Variants in TMPRSS11E observed in about 807,000 individuals in gnomAD.
TMPRSS11E encodes the protein transmembrane serine protease 11E.
Under a neutral mutation model 48.1 loss-of-function variants are expected in TMPRSS11E, and 38 were observed. The observed-to-expected ratio is 0.79, with a 90% confidence interval of 0.61 to 1.04. TMPRSS11E has a LOEUF of 1.04. Ranked by LOEUF, TMPRSS11E falls within the 50% of genes least tolerant of loss-of-function variation. TMPRSS11E has a pLI of 0.00. For missense variants in TMPRSS11E, 530 were observed against 510.8 expected (o/e 1.04, Z -0.36); for synonymous variants, 158 against 171.9 (o/e 0.92, Z 0.63).
intron 2 of TMPRSS11E, among the ~76,000 whole-genome samples, chr4:68,463,304 CT>C (rs897028473): frequency 7.3e-5 from 11 of 151,214 alleles, no homozygotes; most frequent in East Asian, 5.8e-4. Context: ...CTGTAGCACA[CT>C]TTTTTTTTGC....
At chr4:68,491,761 C>T (rs1183559335) in intron 9 of TMPRSS11E, among the ~76,000 whole-genome samples, 1 of 152,134 alleles carries the variant, frequency 6.6e-6, no homozygotes, top group Non-Finnish European at 1.5e-5. Context: ...TTCAGAATTC[C>T]ATGTTACTCT....
chr4:68,491,231 T>C (rs1488998123), intron 9 of TMPRSS11E, among the ~76,000 whole-genome samples: 1 of 141,982 alleles, frequency 7.0e-6, no homozygotes, highest in Non-Finnish European at 1.5e-5. Flanking sequence ...TTGGAGCCTT[T>C]TAAAAAACTT....
At chr4:68,457,085 CA>C (rs1450627772) in intron 1 of TMPRSS11E, among the ~76,000 whole-genome samples, 1 of 152,070 alleles carries the variant, frequency 6.6e-6, no homozygotes, top group African/African-American at 2.4e-5. Flanking sequence ...AGCCTCTGCA[CA>C]ACAAAAGAAA....
At chr4:68,462,938 T>C (rs1256684953) in intron 2 of TMPRSS11E, among the ~76,000 whole-genome samples, 1 of 152,188 alleles carries the variant, frequency 6.6e-6, no homozygotes, top group Non-Finnish European at 1.5e-5. Context: ...TGAAGTTTCC[T>C]CCTACTCTGC....
chr4:68,457,798 C>T (rs1037581130), intron 1 of TMPRSS11E, among the ~76,000 whole-genome samples: 18 of 149,516 alleles, frequency 1.2e-4, no homozygotes, highest in Admixed American at 3.3e-4. Flanking sequence ...CGGATGAAGC[C>T]GGAAACCATC....
intron 9 of TMPRSS11E, among the ~76,000 whole-genome samples, chr4:68,490,912 C>T (rs544330436): frequency 1.1e-4 from 16 of 151,998 alleles, no homozygotes; most frequent in South Asian, 8.3e-4. Flanking sequence ...GCATGTGCCA[C>T]GACACCTGAC....
rs1728937780 is a variant in TMPRSS11E, at chr4:68,466,749, A to C, written c.255A>C (p.Ser85=). ...NFTEMSQRLE[S]MVKNAFYKSP... is the part of the protein sequence containing the mutation. Reference sequence around the variant, plus strand: ...CAGAAATGAGCCAGAGACTTGAATCAATGGTAAGCAACTTGTCATCTACTT... The same window carrying C: ...CAGAAATGAGCCAGAGACTTGAATCCATGGTAAGCAACTTGTCATCTACTT... The change falls in exon 3 of 10, where the codon TCA becomes TCC. Residue 85 remains serine, a synonymous_variant. Transcript: ENST00000305363. The C allele has an allele frequency of 6.2e-7, 1 of 1,613,368 alleles. No individual in the cohort carries two copies. Among genetic ancestry groups the C allele is most frequent in the Admixed American group, 1.7e-5 (1 of 59,914 alleles).
At chr4:68,483,302 C>T (rs1402377661) in intron 9 of TMPRSS11E, among the ~76,000 whole-genome samples, 2 of 152,102 alleles carry the variant, frequency 1.3e-5, no homozygotes, top group East Asian at 1.9e-4. Context: ...AACCAGATAT[C>T]GTGACAGTTC....
intron 3 of TMPRSS11E, among the ~76,000 whole-genome samples, chr4:68,468,149 A>G (rs1319028126): frequency 6.6e-6 from 1 of 152,178 alleles, no homozygotes. Context: ...GAAAGAATTA[A>G]AAGGCTCATT....
At chr4:68,492,047 C>T (rs1312289386) in intron 9 of TMPRSS11E, among the ~76,000 whole-genome samples, 8 of 152,192 alleles carry the variant, frequency 5.3e-5, no homozygotes, top group Non-Finnish European at 1.0e-4. Flanking sequence ...AGTTTAGACT[C>T]ACTTCATTTT....
At chr4:68,486,879 A>G (rs970267752) in intron 9 of TMPRSS11E, among the ~76,000 whole-genome samples, 9 of 152,138 alleles carry the variant, frequency 5.9e-5, no homozygotes, top group Admixed American at 3.3e-4. Context: ...ACTTTGTTAC[A>G]CCATTTTTTG....
intron 9 of TMPRSS11E, among the ~76,000 whole-genome samples, chr4:68,486,063 AATCTT>A (rs1287535379): frequency 6.6e-6 from 1 of 151,858 alleles, no homozygotes; most frequent in Non-Finnish European, 1.5e-5. Context: ...GCAGTGTATC[AATCTT>A]ATTTATTCTT....
chr4:68,466,569 A>G (rs972068037), intron 2 of TMPRSS11E, 62 bp from the exon 3 acceptor site: 30 of 1,576,250 alleles, frequency 1.9e-5, no homozygotes, highest in Non-Finnish European at 2.4e-5. Context: ...AAGCGGGGAT[A>G]TAATGATGCT....
intron 3 of TMPRSS11E, among the ~76,000 whole-genome samples, chr4:68,467,196 A>G (rs1047678659): frequency 2.0e-5 from 3 of 152,146 alleles, no homozygotes; most frequent in African/African-American, 7.2e-5. Flanking sequence ...CTTTTGGTAT[A>G]TAAATCTGTA....
At chr4:68,486,508 G>A (rs1054836556) in intron 9 of TMPRSS11E, among the ~76,000 whole-genome samples, 1 of 152,132 alleles carries the variant, frequency 6.6e-6, no homozygotes, top group Non-Finnish European at 1.5e-5. Context: ...GAGTGTGATT[G>A]GAATGATTTT....
chr4:68,490,579 T>C (rs1433860102), intron 9 of TMPRSS11E, among the ~76,000 whole-genome samples: 3 of 152,068 alleles, frequency 2.0e-5, no homozygotes, highest in African/African-American at 4.8e-5. Flanking sequence ...AGGTACTTTG[T>C]TACTGCTCCC....
At chr4:68,468,816 A>T in intron 3 of TMPRSS11E, 63 bp from the exon 4 acceptor site, 1 of 1,222,824 alleles carries the variant, frequency 8.2e-7, no homozygotes, top group Non-Finnish European at 1.2e-6. Context: ...AAAGCTTTGA[A>T]TTAATTTGTG....
intron 1 of TMPRSS11E, among the ~76,000 whole-genome samples, chr4:68,450,376 G>A (rs1393612577): frequency 2.6e-5 from 4 of 151,902 alleles, no homozygotes; most frequent in Non-Finnish European, 4.4e-5. Context: ...TGAAGCACCT[G>A]TGGCTCAGAT....
At position 68,469,789 on chromosome 4, in the gene TMPRSS11E, A is replaced by C. The variant is rs561723416; in HGVS notation, c.326+843A>C. Among the ~76,000 whole-genome samples, 6 of 152,072 alleles carry C rather than the reference A, an allele frequency of 3.9e-5. 1 individual carries two copies. Among genetic ancestry groups the C allele is most frequent in the African/African-American group, 1.4e-4 (6 of 41,554 alleles). Reference sequence around the variant, plus strand: ...TTTTCTGATTTCTATAACTATATACACATCCCCATGTGGAAGTTCCACAGA... The same window carrying C: ...TTTTCTGATTTCTATAACTATATACCCATCCCCATGTGGAAGTTCCACAGA... On this transcript the variant is annotated intron_variant, in intron 4 of 9. Coordinates refer to ENST00000305363, the MANE Select transcript of TMPRSS11E (RefSeq NM_014058.4).
Sources: gnomAD v4.1 joint callset for allele counts (sites outside exome capture counted in the v4.1 genomes callset) on GRCh38, gnomAD v4.1.1 for gene constraint, MANE v1.5 for transcripts, NCBI Gene and HGNC (gene_info 2026-07-23, HGNC 2026-07-21) for gene names.